The following CDKN2B-AS1 variants were observed in gnomAD, a reference collection of about 807,000 sequenced individuals.
The protein encoded by CDKN2B-AS1 is CDKN2B and CDKN2A antisense cis and trans regulatory RNA 1, also known as CDKN2B antisense RNA 1 (non-protein coding).
At chr9:22,023,502 G>A (rs1394032224) in intron 1 of CDKN2B-AS1, among the ~76,000 whole-genome samples, 1 of 152,074 alleles carries the variant, frequency 6.6e-6, no homozygotes, top group Non-Finnish European at 1.5e-5. Flanking sequence ...GGGAGGCTGA[G>A]GTGGGTGGAT....
chr9:22,121,522 T>G (rs1389563485), intron 4 of CDKN2B-AS1, among the ~76,000 whole-genome samples: 1 of 152,062 alleles, frequency 6.6e-6, no homozygotes, highest in Non-Finnish European at 1.5e-5. Context: ...TATAATTTTG[T>G]ATCCTTTAAC....
At chr9:22,064,393 G>A (rs1046598551) in intron 4 of CDKN2B-AS1, among the ~76,000 whole-genome samples, 1 of 152,122 alleles carries the variant, frequency 6.6e-6, no homozygotes, top group Non-Finnish European at 1.5e-5. Flanking sequence ...AAAATGTTGG[G>A]CTTATTGGGG....
exon 5 of CDKN2B-AS1, among the ~76,000 whole-genome samples, chr9:22,128,043 G>A (rs1255212170): frequency 2.0e-5 from 3 of 152,114 alleles, no homozygotes; most frequent in Non-Finnish European, 4.4e-5. Context: ...TAACTTATGA[G>A]ATGTGTGTAC....
chr9:22,089,004 G>C (rs1313487917), intron 4 of CDKN2B-AS1, among the ~76,000 whole-genome samples: 7 of 152,270 alleles, frequency 4.6e-5, no homozygotes, highest in Admixed American at 1.3e-4. Context: ...GAAACCCAAA[G>C]ACTTGGCATT....
At chr9:22,104,244 T>G (rs1825583148) in intron 4 of CDKN2B-AS1, among the ~76,000 whole-genome samples, 3 of 152,132 alleles carry the variant, frequency 2.0e-5, no homozygotes, top group Non-Finnish European at 2.9e-5. Context: ...TTGTAAAGAT[T>G]AACTGGATTT....
chr9:22,096,990 T>C (rs186044961), intron 4 of CDKN2B-AS1, among the ~76,000 whole-genome samples: 15 of 152,322 alleles, frequency 9.8e-5, no homozygotes, highest in Non-Finnish European at 7.3e-5. Context: ...GTGTCCTATA[T>C]GGTGTAGAAA....
intron 4 of CDKN2B-AS1, among the ~76,000 whole-genome samples, chr9:22,067,423 AG>A (rs5896962): frequency 6.6e-6 from 1 of 152,294 alleles, no homozygotes; most frequent in East Asian, 1.9e-4. Flanking sequence ...GAACAAGAGC[AG>A]GATTGAGTCA....
At chr9:22,027,786 G>A (rs559389424) in intron 1 of CDKN2B-AS1, among the ~76,000 whole-genome samples, 1 of 151,972 alleles carries the variant, frequency 6.6e-6, no homozygotes, top group African/African-American at 2.4e-5. Context: ...CTTTTGTAAA[G>A]TTAATCACAC....
intron 4 of CDKN2B-AS1, among the ~76,000 whole-genome samples, chr9:22,115,147 T>C (rs967350821): frequency 2.0e-5 from 3 of 152,180 alleles, no homozygotes; most frequent in Non-Finnish European, 4.4e-5. Flanking sequence ...GTACCAATGT[T>C]TGGACTCCAA....
intron 1 of CDKN2B-AS1, among the ~76,000 whole-genome samples, chr9:22,007,337 C>G (rs148289919): frequency 5.5e-4 from 83 of 149,864 alleles, no homozygotes; most frequent in Non-Finnish European, 1.1e-3. Flanking sequence ...CCAGCCTGTC[C>G]GACAGAGTGA....
chr9:22,122,250 G>A (rs1418865310), intron 4 of CDKN2B-AS1, among the ~76,000 whole-genome samples: 2 of 151,668 alleles, frequency 1.3e-5, no homozygotes, highest in Non-Finnish European at 2.9e-5. Context: ...TAATTAGATT[G>A]TTTTTACTGT....
rs896691339 is a variant in CDKN2B-AS1, at chr9:22,039,826, C to G, written n.30-6925C>G. On this transcript the variant is annotated intron_variant and non_coding_transcript_variant, in intron 1 of 4. Transcript: ENST00000650946. This position sits in a 1 kb window ranked among gnomAD's most constrained non-coding sequence, Gnocchi z 4.4. The stretch of plus-strand genomic sequence containing the variant: ...AAATGACTATGCTGAAGTCCTAACT[C>G]CTAGTGCTTCAGAATGTGACCTTAT... Among the ~76,000 whole-genome samples the G allele has an allele frequency of 1.3e-5, 2 of 151,842 alleles. No individual in the cohort carries two copies. The highest frequency in any genetic ancestry group is 4.8e-5 in the African/African-American group (2 of 41,338).
chr9:22,009,988 C>CA (rs2069417), intron 1 of CDKN2B-AS1, among the ~76,000 whole-genome samples: 17 of 151,380 alleles, frequency 1.1e-4, no homozygotes, highest in African/African-American at 2.7e-4. Context: ...ACACATAAGA[C>CA]AAAAAAAAAT....
intron 4 of CDKN2B-AS1, among the ~76,000 whole-genome samples, chr9:22,106,531 C>G (rs937715161): frequency 1.4e-4 from 22 of 152,152 alleles, no homozygotes; most frequent in African/African-American, 5.1e-4. Flanking sequence ...TTGTCTGACT[C>G]TTAATTCTCA....
chr9:22,115,020 T>C (rs1450249634), intron 4 of CDKN2B-AS1, among the ~76,000 whole-genome samples: 1 of 152,182 alleles, frequency 6.6e-6, no homozygotes, highest in Non-Finnish European at 1.5e-5. Context: ...AGAAATGTTA[T>C]TGTAGTATTT....
intron 1 of CDKN2B-AS1, among the ~76,000 whole-genome samples, chr9:22,011,510 T>C (rs989037462): frequency 5.3e-5 from 8 of 152,192 alleles, no homozygotes; most frequent in Non-Finnish European, 8.8e-5. Flanking sequence ...TAGCTAATCA[T>C]TGTTGGAGGT....
chr9:22,006,725 G>C lies in CDKN2B-AS1; in HGVS notation n.29+11564G>C, dbSNP rs1405378446. ...AGAAGTTGGGAGTAATGGTTTAGGG[G>C]AGAAAATAAACAACTAAGTTTTTTT... On this transcript the variant is annotated intron_variant and non_coding_transcript_variant, in intron 1 of 4. Coordinates refer to ENST00000650946, the Ensembl canonical transcript of CDKN2B-AS1. This position sits in a 1 kb window ranked among gnomAD's most constrained non-coding sequence, Gnocchi z 6.4. 6.6e-6 allele frequency among the ~76,000 whole-genome samples: 1 copy of C among 151,968 alleles called. No homozygotes were observed. The highest frequency in any genetic ancestry group is 1.5e-5 in the Non-Finnish European group (1 of 68,012).
intron 1 of CDKN2B-AS1, among the ~76,000 whole-genome samples, chr9:22,027,579 A>G (rs145695373): frequency 6.6e-6 from 1 of 152,350 alleles, no homozygotes; most frequent in African/African-American, 2.4e-5. Flanking sequence ...CTGAATGAAG[A>G]CTGCTTTTTT....
At chr9:22,009,136 G>T (rs1176053324) in intron 1 of CDKN2B-AS1, 1 of 814,056 alleles carries the variant, frequency 1.2e-6, no homozygotes, top group Non-Finnish European at 2.0e-6. Flanking sequence ...TGGCCGAGCG[G>T]CCGGTCGTTA....
Sources: gnomAD v4.1 joint callset for allele counts (sites outside exome capture counted in the v4.1 genomes callset) on GRCh38, gnomAD v4.1.1 for gene constraint, Gnocchi (gnomAD v3.1) non-coding constraint, MANE v1.5 for transcripts, NCBI Gene and HGNC (gene_info 2026-07-23, HGNC 2026-07-21) for gene names.